The following CNTRL variants were observed in gnomAD, a reference collection of about 807,000 sequenced individuals.
CNTRL encodes centriolin, also known as 110 kDa centrosomal protein.
In CNTRL, 233 loss-of-function variants were observed where a neutral mutation model predicts 303.7. The ratio of observed to expected loss-of-function variants is 0.77; its 90% CI spans 0.69 to 0.86. The LOEUF (loss-of-function observed/expected upper bound fraction) is 0.86, where lower values mean the gene tolerates loss of function less well. CNTRL is among the 40% of genes least tolerant of loss of function. CNTRL has a pLI of 0.00. For missense variants in CNTRL, 2,524 were observed against 2,650.6 expected, an observed-to-expected ratio of 0.95 and a Z score of 1.05; for synonymous variants, 900 against 922.2, an observed-to-expected ratio of 0.98 and a Z score of 0.44.
chr9:121,123,262 C>T, intron 12 of CNTRL, among the ~76,000 whole-genome samples: 1 of 152,038 alleles, frequency 6.6e-6, no homozygotes, highest in Admixed American at 6.5e-5. Context: ...CCATAACCAA[C>T]TAATTTTGGA....
At position 121,078,059 on chromosome 9, in the gene CNTRL, A is replaced by G. The variant is rs1305007003; in HGVS notation, c.-204-2247A>G. ...AAGCACATGCCTCTTAGCTTTTCTCAAATTTTAGAGTATTATCCTTATTTA... is the reference window on the plus strand; with the variant it reads ...AAGCACATGCCTCTTAGCTTTTCTCGAATTTTAGAGTATTATCCTTATTTA... On this transcript the variant is annotated intron_variant, in intron 1 of 43. Coordinates refer to ENST00000373855, the MANE Select transcript of CNTRL (RefSeq NM_007018.6). 2.0e-5 allele frequency among the ~76,000 whole-genome samples: 3 copies of G among 152,196 alleles called. No individual in the cohort carries two copies. In the East Asian group the frequency reaches 5.8e-4, roughly 29 times the overall value.
At chr9:121,137,179 A>T (rs529514811) in intron 15 of CNTRL, among the ~76,000 whole-genome samples, 13 of 152,288 alleles carry the variant, frequency 8.5e-5, no homozygotes, top group Admixed American at 5.9e-4. Flanking sequence ...TAAAAATACA[A>T]TTTATTAGCC....
rs531981372 is a variant in CNTRL, at chr9:121,171,492, C to T, written c.6361C>T (p.Arg2121Cys). Residue 2121 changes from arginine to cysteine, a missense_variant, in exon 40 of 44, where the codon CGC becomes TGC. Arg to Cys is a radical substitution (Grantham distance 180, BLOSUM62 -3). Coordinates refer to ENST00000373855, the MANE Select transcript of CNTRL (RefSeq NM_007018.6). Reference sequence around the variant, plus strand: ...CCAGGACAACCATGAGCGGGCCAGGCGCCTGATGAAGGAGCTCAACCAGAT... The same window carrying T: ...CCAGGACAACCATGAGCGGGCCAGGTGCCTGATGAAGGAGCTCAACCAGAT... ...VAQDNHERAR[R>C]LMKELNQMQY... 76 of 1,614,026 alleles carry T rather than the reference C, an allele frequency of 4.7e-5. 1 individual carries two copies. The highest frequency in any genetic ancestry group is 1.1e-4 in the African/African-American group (8 of 75,024).
chr9:121,075,851 G>A (rs562850733), intron 1 of CNTRL, among the ~76,000 whole-genome samples: 2 of 152,320 alleles, frequency 1.3e-5, no homozygotes, highest in South Asian at 2.1e-4. Context: ...GACCAGAGAG[G>A]TTAAGTAATT....
At chr9:121,147,226 C>T (rs1238606078) in intron 23 of CNTRL, among the ~76,000 whole-genome samples, 4 of 152,196 alleles carry the variant, frequency 2.6e-5, no homozygotes, top group Non-Finnish European at 5.9e-5. Context: ...TGGTCTCAAA[C>T]TCCTGACCTC....
chr9:121,155,007 AG>A (rs1389437169), intron 27 of CNTRL, 94 bp downstream of exon 27: 2 of 1,124,148 alleles, frequency 1.8e-6, no homozygotes, highest in Non-Finnish European at 2.7e-6. Flanking sequence ...GTGTGATAAG[AG>A]GACAGTTGTC....
chr9:121,142,262 G>C lies in CNTRL; in HGVS notation c.2863G>C (p.Glu955Gln), dbSNP rs142178926. 1 of 1,598,244 alleles carries C rather than the reference G, an allele frequency of 6.3e-7. No individual in the cohort carries two copies. The highest frequency in any genetic ancestry group is 1.4e-5 in the African/African-American group (1 of 73,474). Residue 955 changes from glutamate (E) to glutamine (Q), a missense_variant, in exon 19 of 44, where the codon GAG becomes CAG. Glu to Gln is a conservative substitution (Grantham distance 29, BLOSUM62 2). Coordinates refer to ENST00000373855, the MANE Select transcript of CNTRL (RefSeq NM_007018.6). Reference sequence around the variant, plus strand: ...AATTCTGGCCCAACTCCGAGAGTTAGAGAAAAAGGTAGGGGAGACTTAGAA... The same window carrying C: ...AATTCTGGCCCAACTCCGAGAGTTACAGAAAAAGGTAGGGGAGACTTAGAA... ...ERILAQLREL[E>Q]KKKKLEDAKS...
chr9:121,117,338 C>T (rs1183086258), intron 11 of CNTRL, among the ~76,000 whole-genome samples: 3 of 152,074 alleles, frequency 2.0e-5, no homozygotes, highest in Admixed American at 1.3e-4. Flanking sequence ...TATTTCTTTT[C>T]AGTCTTTTAT....
intron 14 of CNTRL, among the ~76,000 whole-genome samples, chr9:121,133,316 G>T (rs2050982028): frequency 6.6e-6 from 1 of 152,232 alleles, no homozygotes. Flanking sequence ...GAGCTTCCTG[G>T]CTGCTGTGTT....
At chr9:121,109,300 C>T (rs972765884) in intron 8 of CNTRL, among the ~76,000 whole-genome samples, 2 of 151,974 alleles carry the variant, frequency 1.3e-5, no homozygotes, top group Non-Finnish European at 2.9e-5. Flanking sequence ...ATTTTTAATC[C>T]GTGGTTGGTT....
chr9:121,147,563 G>A (rs1381957692), intron 23 of CNTRL, among the ~76,000 whole-genome samples: 1 of 152,202 alleles, frequency 6.6e-6, no homozygotes, highest in Non-Finnish European at 1.5e-5. Context: ...ATTAAAGGAT[G>A]TTAAAGAGAA....
At chr9:121,137,434 A>G (rs2051258860) in intron 15 of CNTRL, among the ~76,000 whole-genome samples, 2 of 152,362 alleles carry the variant, frequency 1.3e-5, no homozygotes, top group East Asian at 3.9e-4. Flanking sequence ...TGTGCCTGGC[A>G]TATGAGAAGC....
In CNTRL at chr9:121,132,773, T is replaced by C. The variant is rs148928051; in HGVS notation, c.2026-3033T>C. 5.1e-3 allele frequency among the ~76,000 whole-genome samples: 775 copies of C among 152,340 alleles called. 3 individuals are homozygous for C. Among genetic ancestry groups the C allele is most frequent in the Non-Finnish European group, 8.2e-3 (555 of 68,020 alleles). On this transcript the variant is annotated intron_variant, in intron 14 of 43. Coordinates refer to ENST00000373855, the MANE Select transcript of CNTRL (RefSeq NM_007018.6). ...GTTTCTCCCCATCTTTGTGGTTTTATCTACCTTTGGCCTTTGGTCTTTGGT... is the reference window on the plus strand; with the variant it reads ...GTTTCTCCCCATCTTTGTGGTTTTACCTACCTTTGGCCTTTGGTCTTTGGT...
chr9:121,078,164 T>C (rs548587871), intron 1 of CNTRL, among the ~76,000 whole-genome samples: 1 of 152,258 alleles, frequency 6.6e-6, no homozygotes, highest in African/African-American at 2.4e-5. Flanking sequence ...CCCAGCACTT[T>C]GGGAGGCCGA....
chr9:121,175,466 G>C (rs1396104603), intron 43 of CNTRL, among the ~76,000 whole-genome samples: 1 of 152,106 alleles, frequency 6.6e-6, no homozygotes, highest in Non-Finnish European at 1.5e-5. Flanking sequence ...TGGAGGTCTT[G>C]CTGGGTTGCC....
intron 15 of CNTRL, among the ~76,000 whole-genome samples, chr9:121,136,318 C>CT (rs898226946): frequency 2.9e-4 from 43 of 148,964 alleles, no homozygotes; most frequent in African/African-American, 6.4e-4. Flanking sequence ...GGTTTAAGGA[C>CT]TTTTTTTTTT....
intron 14 of CNTRL, among the ~76,000 whole-genome samples, chr9:121,129,773 G>C (rs1037106258): frequency 3.3e-5 from 5 of 152,150 alleles, no homozygotes; most frequent in African/African-American, 9.7e-5. Context: ...CTGTGGGTTT[G>C]TCATAAATAG....
chr9:121,156,551 AC>A (rs781041122), intron 27 of CNTRL, among the ~76,000 whole-genome samples: 2 of 152,120 alleles, frequency 1.3e-5, no homozygotes, highest in Non-Finnish European at 2.9e-5. Flanking sequence ...GAGCTTGCCA[AC>A]CCTTTTGCAT....
Position 121,173,808 on chromosome 9 carries a change from C to G in CNTRL, c.6747+71C>G, listed in dbSNP as rs887269491. On this transcript the variant is annotated intron_variant, in intron 42 of 43. Coordinates refer to ENST00000373855, the MANE Select transcript of CNTRL (RefSeq NM_007018.6). ...CATTGGGGAGGGGAGGGGAAAGTTA[C>G]ATTTACCTGATGCTTTCACATCCAT... 4.4e-6 allele frequency: 6 copies of G among 1,360,006 alleles called. No homozygotes were observed. The Admixed American group carries it at 8.4e-5, about 19-fold the overall frequency. The allele number at this position is 1,360,006 out of a possible 1,614,324, so 84.2% of individuals were successfully genotyped here.
Sources: gnomAD v4.1 joint callset for allele counts (sites outside exome capture counted in the v4.1 genomes callset) on GRCh38, gnomAD v4.1.1 for gene constraint, MANE v1.5 for transcripts, NCBI Gene and HGNC (gene_info 2026-07-23, HGNC 2026-07-21) for gene names.